Variants in RB1 observed in about 807,000 individuals in gnomAD.
RB1 encodes the protein retinoblastoma-associated protein.
In RB1, 18 loss-of-function variants were observed where a neutral mutation model predicts 135.4. The ratio of observed to expected loss-of-function variants is 0.13; its 90% confidence interval spans 0.09 to 0.20. The LOEUF is 0.20. RB1 is among the 10% of genes least tolerant of loss of function. The pLI is 1.00. For synonymous variants in RB1, 365 were observed against 373.2 expected (o/e 0.98, Z 0.25); for missense variants, 868 against 1,110.0 (o/e 0.78, Z 3.10).
chr13:48,374,163 G>A (rs1029599354), intron 12 of RB1, among the ~76,000 whole-genome samples: 2 of 151,770 alleles, frequency 1.3e-5, no homozygotes, highest in Non-Finnish European at 2.9e-5. Flanking sequence ...TTCTTACCTG[G>A]CCCTGTTAGC....
At chr13:48,446,536 A>C in intron 17 of RB1, among the ~76,000 whole-genome samples, 1 of 152,216 alleles carries the variant, frequency 6.6e-6, no homozygotes, top group East Asian at 1.9e-4. Flanking sequence ...ACTATGAAGG[A>C]AATAGAGCAG....
Position 48,447,023 on chromosome 13 carries a change from A to AC in RB1, c.1696-5970_1696-5969insC, listed in dbSNP as rs550828940. 8.5e-5 allele frequency among the ~76,000 whole-genome samples: 13 copies of AC among 152,328 alleles called. No homozygotes were observed. The South Asian group carries it at 1.2e-3, about 15-fold the overall frequency. On this transcript the variant is annotated intron_variant, in intron 17 of 26. Coordinates refer to ENST00000267163, the MANE Select transcript of RB1 (RefSeq NM_000321.3). ...GCTTTTGCAGTGGGACAGAAAAGAG[A>AC]TAAGAATTGCTTTGACTCTAGCAAT...
At chr13:48,383,424 T>C (rs530103104) in intron 17 of RB1, among the ~76,000 whole-genome samples, 1 of 152,214 alleles carries the variant, frequency 6.6e-6, no homozygotes, top group South Asian at 2.1e-4. Context: ...ATGGTTTCTT[T>C]TGAAACTGTG....
At chr13:48,474,193 T>G (rs1949490091) in intron 24 of RB1, among the ~76,000 whole-genome samples, 1 of 151,918 alleles carries the variant, frequency 6.6e-6, no homozygotes, top group Non-Finnish European at 1.5e-5. Flanking sequence ...TTTATGGGGG[T>G]TTCATTATAT....
intron 26 of RB1, among the ~76,000 whole-genome samples, chr13:48,479,207 A>G (rs991413147): frequency 1.3e-5 from 2 of 152,256 alleles, no homozygotes; most frequent in Non-Finnish European, 2.9e-5. Context: ...CAGCTTGGGC[A>G]ACAGAGCAAG....
At chr13:48,364,791 A>T in intron 8 of RB1, 103 bp from the exon 9 acceptor site, 2 of 1,316,856 alleles carry the variant, frequency 1.5e-6, no homozygotes, top group African/African-American at 1.5e-5. Context: ...TTTTTACTGC[A>T]TGGGGGATTG....
intron 3 of RB1, among the ~76,000 whole-genome samples, chr13:48,344,562 G>T (rs1317355101): frequency 2.6e-5 from 4 of 152,136 alleles, no homozygotes; most frequent in Non-Finnish European, 5.9e-5. Context: ...GTCCAGAACT[G>T]GGAGTCAGTT....
At chr13:48,322,401 T>A (rs1952250042) in intron 2 of RB1, among the ~76,000 whole-genome samples, 1 of 152,252 alleles carries the variant, frequency 6.6e-6, no homozygotes, top group African/African-American at 2.4e-5. Context: ...CTTGGTGAAC[T>A]AATTTATTAG....
chr13:48,447,569 C>T (rs1949297260), intron 17 of RB1, among the ~76,000 whole-genome samples: 1 of 152,084 alleles, frequency 6.6e-6, no homozygotes, highest in African/African-American at 2.4e-5. Flanking sequence ...GTTCCCAATT[C>T]TTAACATTAT....
intron 17 of RB1, among the ~76,000 whole-genome samples, chr13:48,447,013 C>T (rs1239206460): frequency 6.6e-6 from 1 of 151,866 alleles, no homozygotes; most frequent in Admixed American, 6.6e-5. Flanking sequence ...TGCAGTGGGA[C>T]AGAAAAGAGA....
At chr13:48,453,549 A>G (rs1298464774) in intron 18 of RB1, among the ~76,000 whole-genome samples, 1 of 152,104 alleles carries the variant, frequency 6.6e-6, no homozygotes. Context: ...GGACTAACAC[A>G]CAGTTGATTA....
intron 17 of RB1, among the ~76,000 whole-genome samples, chr13:48,449,041 T>C (rs2138322456): frequency 6.6e-6 from 1 of 152,266 alleles, no homozygotes; most frequent in South Asian, 2.1e-4. Flanking sequence ...ATAAGAAAAA[T>C]AGTATTTAGT....
At chr13:48,456,143 A>G in intron 18 of RB1, 61 bp from the exon 19 acceptor site, 1 of 1,606,130 alleles carries the variant, frequency 6.2e-7, no homozygotes. Flanking sequence ...CTTGAAGTGT[A>G]TGTATAATCT....
chr13:48,411,150 AT>A, intron 17 of RB1: 27 of 391,784 alleles, frequency 6.9e-5, no homozygotes, highest in East Asian at 1.7e-4. Flanking sequence ...ACTTTAAGAG[AT>A]TTTTTTTAAT....
At position 48,406,126 on chromosome 13, in the gene RB1, A is replaced by G. The variant is rs115757449; in HGVS notation, c.1695+24683A>G. On this transcript the variant is annotated intron_variant, in intron 17 of 26. Transcript: ENST00000267163. ...TGTGTGTGTGTGTATGTATGTATGTATGTGTGTGTTATGTAATTGAAATTG... is the reference window on the plus strand; with the variant it reads ...TGTGTGTGTGTGTATGTATGTATGTGTGTGTGTGTTATGTAATTGAAATTG... Among the ~76,000 whole-genome samples, 484 of 151,924 alleles carry G rather than the reference A, an allele frequency of 3.2e-3. 2 individuals are homozygous for G. Among genetic ancestry groups the G allele is most frequent in the African/African-American group, 0.011 (465 of 41,450 alleles).
rs1297997181 is a variant in RB1, at chr13:48,414,460, CACA to C, written c.1695+33020_1695+33022del. On this transcript the variant is annotated intron_variant, in intron 17 of 26. Transcript: ENST00000267163. ...TTATTTCCTCAAAGATTGAGGATAT[CACA>C]ACCTCTATGGCACATGTTTTTCTTG... Among the ~76,000 whole-genome samples, 3 of 151,442 alleles carry C rather than the reference CACA, an allele frequency of 2.0e-5. No individual in the cohort carries two copies. In the East Asian group the frequency reaches 5.8e-4, roughly 29 times the overall value.
intron 17 of RB1, among the ~76,000 whole-genome samples, chr13:48,402,028 T>A (rs990385398): frequency 9.2e-5 from 14 of 152,178 alleles, no homozygotes; most frequent in Non-Finnish European, 1.9e-4. Flanking sequence ...AGTTTTTATA[T>A]TAGGTTTTAT....
At chr13:48,344,496 T>A (rs2138086303) in intron 3 of RB1, among the ~76,000 whole-genome samples, 1 of 152,022 alleles carries the variant, frequency 6.6e-6, no homozygotes, top group East Asian at 1.9e-4. Context: ...CAGCCTGCTG[T>A]GGGGAGTCAG....
chr13:48,306,530 G>A (rs1008372223), intron 1 of RB1, among the ~76,000 whole-genome samples: 19 of 152,186 alleles, frequency 1.2e-4, no homozygotes, highest in Admixed American at 1.0e-3. Context: ...ACCTCTTACC[G>A]GCTGAGACCT....
Sources: allele counts gnomAD v4.1 joint callset (sites outside exome capture counted in the v4.1 genomes callset), GRCh38; gene constraint gnomAD v4.1.1; transcripts MANE v1.5; gene names NCBI Gene and HGNC (gene_info 2026-07-23, HGNC 2026-07-21).